GPHN: variants seen among roughly 807,000 people sequenced by gnomAD.
GPHN encodes the protein gephyrin.
A neutral mutation model predicts 95.5 loss-of-function variants in GPHN; 17 were observed. The ratio of observed to expected loss-of-function variants is 0.18; its 90% CI spans 0.12 to 0.27. The LOEUF is 0.27. GPHN is among the 10% of genes least tolerant of loss of function. The pLI is 1.00. For missense variants in GPHN, 660 were observed against 978.1 expected, an observed-to-expected ratio of 0.67 and a Z score of 4.34; for synonymous variants, 320 against 322.5, an observed-to-expected ratio of 0.99 and a Z score of 0.08.
intron 4 of GPHN, among the ~76,000 whole-genome samples, chr14:66,856,598 G>T (rs888123103): frequency 2.0e-5 from 3 of 151,966 alleles, no homozygotes; most frequent in African/African-American, 7.2e-5. Context: ...ACAGGATGAA[G>T]AAAACATCTG....
intron 1 of GPHN, among the ~76,000 whole-genome samples, chr14:66,674,051 A>C (rs2044800513): frequency 6.6e-6 from 1 of 151,786 alleles, no homozygotes; most frequent in South Asian, 2.1e-4. Flanking sequence ...CTAGTCATCC[A>C]TATTTATACT....
chr14:67,608,934 G>A, the GPHN span, among the ~76,000 whole-genome samples: 3 of 152,088 alleles, frequency 2.0e-5, no homozygotes, highest in Non-Finnish European at 2.9e-5. Flanking sequence ...GCGTATGGGG[G>A]GCTTTCCCCA....
the GPHN span, among the ~76,000 whole-genome samples, chr14:67,606,521 G>C: frequency 1.3e-5 from 2 of 152,090 alleles, no homozygotes; most frequent in South Asian, 2.1e-4. Flanking sequence ...CCTCAGCTCA[G>C]TTTTATTATT....
the GPHN span, chr14:67,678,275 G>A: frequency 2.5e-6 from 3 of 1,181,612 alleles, no homozygotes; most frequent in African/African-American, 4.5e-5. Flanking sequence ...AAGAAGTACT[G>A]TGTAGTCTGC....
chr14:67,199,589 G>A, the GPHN span: 1 of 1,594,474 alleles, frequency 6.3e-7, no homozygotes, highest in South Asian at 1.1e-5. Context: ...CGTATCTTAT[G>A]CCTTCGAGAA....
At chr14:66,829,980 T>G (rs754343452) in intron 4 of GPHN, among the ~76,000 whole-genome samples, 1 of 152,076 alleles carries the variant, frequency 6.6e-6, no homozygotes, top group Non-Finnish European at 1.5e-5. Flanking sequence ...GAGGTGAAAA[T>G]TATTTGGAAT....
the GPHN span, among the ~76,000 whole-genome samples, chr14:67,210,440 A>G: frequency 6.6e-6 from 1 of 152,096 alleles, no homozygotes; most frequent in Non-Finnish European, 1.5e-5. Flanking sequence ...AAAGAAGAAG[A>G]ACAAAGAAAA....
chr14:67,224,377 G>A, the GPHN span, among the ~76,000 whole-genome samples: 1,488 of 151,534 alleles, frequency 9.8e-3, 10 homozygotes, highest in Non-Finnish European at 0.015. Flanking sequence ...TCTTGCCTCA[G>A]TCTCCCGAGT....
intron 1 of GPHN, among the ~76,000 whole-genome samples, chr14:66,654,211 G>A (rs922886159): frequency 1.3e-5 from 2 of 151,962 alleles, no homozygotes; most frequent in Non-Finnish European, 2.9e-5. Flanking sequence ...GCAGTGGCAC[G>A]TGTGACTCAG....
intron 16 of GPHN, among the ~76,000 whole-genome samples, chr14:67,115,094 A>G (rs1156952932): frequency 6.6e-6 from 1 of 152,162 alleles, no homozygotes; most frequent in African/African-American, 2.4e-5. Flanking sequence ...TCTAAATTAT[A>G]TTATCTCTGG....
At chr14:67,428,771 C>T in the GPHN span, among the ~76,000 whole-genome samples, 51 of 152,356 alleles carry the variant, frequency 3.3e-4, no homozygotes, top group Middle Eastern at 3.4e-3. Context: ...TGGCCTCCTT[C>T]CTTTAGTATT....
the GPHN span, chr14:67,592,161 A>G: frequency 1.0e-5 from 2 of 195,970 alleles, no homozygotes; most frequent in African/African-American, 4.8e-5. Flanking sequence ...GAGGCCAGGT[A>G]TGCTGGCTCA....
intron 8 of GPHN, among the ~76,000 whole-genome samples, chr14:66,932,808 G>C (rs1420824089): frequency 2.6e-5 from 4 of 151,954 alleles, no homozygotes; most frequent in Admixed American, 2.0e-4. Flanking sequence ...GGCAAGTCTA[G>C]ACATGCCCTC....
the GPHN span, among the ~76,000 whole-genome samples, chr14:67,340,672 T>C: frequency 6.6e-6 from 1 of 152,230 alleles, no homozygotes; most frequent in African/African-American, 2.4e-5. Context: ...AAAGAAGCTC[T>C]TCCTCTCCCC....
At chr14:66,531,107 G>T (rs1407232440) in intron 1 of GPHN, among the ~76,000 whole-genome samples, 2 of 151,734 alleles carry the variant, frequency 1.3e-5, no homozygotes, top group African/African-American at 4.8e-5. Flanking sequence ...CACCATACCT[G>T]GCTGAGTTTT....
At chr14:66,657,621 C>T (rs1474911184) in intron 1 of GPHN, among the ~76,000 whole-genome samples, 6 of 152,124 alleles carry the variant, frequency 3.9e-5, no homozygotes, top group Non-Finnish European at 8.8e-5. Context: ...TCATAGGTCC[C>T]TTAAGAATTA....
intron 5 of GPHN, among the ~76,000 whole-genome samples, chr14:66,908,137 A>G (rs1310804217): frequency 1.3e-5 from 2 of 152,062 alleles, no homozygotes; most frequent in Non-Finnish European, 2.9e-5. Context: ...TAATGCTGAA[A>G]TCTTAGTTTT....
chr14:66,855,311 C>A (rs1379342099), intron 4 of GPHN, among the ~76,000 whole-genome samples: 2 of 152,126 alleles, frequency 1.3e-5, no homozygotes, highest in African/African-American at 4.8e-5. Context: ...TCCCTGGTAA[C>A]CTTTAATCTA....
intron 12 of GPHN, among the ~76,000 whole-genome samples, chr14:67,098,654 AT>A (rs1354027886): frequency 1.3e-5 from 2 of 152,086 alleles, no homozygotes; most frequent in African/African-American, 4.8e-5. Flanking sequence ...TACTAAAAAA[AT>A]AAAATAAAAT....
Sources: allele counts gnomAD v4.1 joint callset (sites outside exome capture counted in the v4.1 genomes callset), GRCh38; gene constraint gnomAD v4.1.1; transcripts MANE v1.5; gene names NCBI Gene and HGNC (gene_info 2026-07-23, HGNC 2026-07-21).